The following KCNN3 variants were observed in gnomAD, a reference collection of about 807,000 sequenced individuals.
KCNN3 encodes small conductance calcium-activated potassium channel protein 3.
A neutral mutation model predicts 62.9 loss-of-function variants in KCNN3; 16 were observed. The observed-to-expected ratio is 0.25, with a 90% confidence interval of 0.17 to 0.39. The LOEUF is 0.39. Among genes scored for constraint, KCNN3 ranks in the 10% least tolerant of loss-of-function variants. KCNN3 has a pLI of 1.00. For missense variants in KCNN3, 599 were observed against 949.4 expected (o/e 0.63, Z 4.85); for synonymous variants, 370 against 389.2 (o/e 0.95, Z 0.58).
intron 2 of KCNN3, among the ~76,000 whole-genome samples, chr1:154,814,443 C>T (rs915448516): frequency 4.6e-5 from 7 of 151,220 alleles, no homozygotes; most frequent in South Asian, 2.1e-4. Context: ...ACATAAGACA[C>T]GCAGGGACAA....
At chr1:154,710,676 G>A (rs2101757751) in intron 7 of KCNN3, among the ~76,000 whole-genome samples, 1 of 152,248 alleles carries the variant, frequency 6.6e-6, no homozygotes, top group South Asian at 2.1e-4. Flanking sequence ...CCCAAAAGTG[G>A]GCGAAGGATA....
At chr1:154,847,899 C>A (rs1652141473) in intron 1 of KCNN3, among the ~76,000 whole-genome samples, 1 of 152,242 alleles carries the variant, frequency 6.6e-6, no homozygotes, top group East Asian at 1.9e-4. Flanking sequence ...TCAGGGAGAC[C>A]AGGCAACTTG....
At chr1:154,709,316 C>A (rs566288017) in intron 7 of KCNN3, among the ~76,000 whole-genome samples, 1 of 152,266 alleles carries the variant, frequency 6.6e-6, no homozygotes, top group African/African-American at 2.4e-5. Context: ...AGTGAGGCTC[C>A]TGGGGCGGCA....
Position 154,869,137 on chromosome 1 carries a change from C to T in KCNN3, c.828G>A (p.Leu276=). 1 of 1,614,008 alleles carries T rather than the reference C, an allele frequency of 6.2e-7. No individual in the cohort carries two copies. Among genetic ancestry groups the T allele is most frequent in the Non-Finnish European group, 8.5e-7 (1 of 1,179,962 alleles). ...IGYKLGHRRA[L]FEKRKRLSDY... is the part of the protein sequence containing the mutation. ...CACTCAGTCGCTTTCTCTTTTCAAA[C>T]AGGGCCCTCCTGTGTCCCAGCTTAT... is the stretch of plus-strand genomic sequence containing the variant. Residue 276 remains leucine, a synonymous_variant, in exon 1 of 8, where the codon CTG becomes CTA. Coordinates refer to ENST00000271915, the MANE Select transcript of KCNN3 (RefSeq NM_002249.6). This position sits in a 1 kb window ranked among gnomAD's most constrained non-coding sequence, Gnocchi z 6.1.
In KCNN3 at chr1:154,772,377, T is replaced by C. The variant is rs767055276; in HGVS notation, c.1046A>G (p.Asn349Ser). The C allele has an allele frequency of 6.2e-7, 1 of 1,614,114 alleles. No homozygotes were observed. Among genetic ancestry groups the C allele is most frequent in the Admixed American group, 1.7e-5 (1 of 60,020 alleles). The change falls in exon 3 of 8, where the codon AAT becomes AGT. Residue 349 changes from asparagine to serine, a missense_variant. By Grantham distance (46) the Asn-to-Ser change is conservative (BLOSUM62 1). Coordinates refer to ENST00000271915, the MANE Select transcript of KCNN3 (RefSeq NM_002249.6). This position sits in a 1 kb window ranked among gnomAD's most constrained non-coding sequence, Gnocchi z 5.6. ...TREVQLFVID[N>S]GADDWRIAMT... Reference sequence around the variant, plus strand: ...GGCTATCCGCCAGTCATCCGCGCCATTGTCGATCACGAAGAGCTGGTGGGA... The same window carrying C: ...GGCTATCCGCCAGTCATCCGCGCCACTGTCGATCACGAAGAGCTGGTGGGA...
chr1:154,847,143 C>T (rs1200371302), intron 1 of KCNN3, among the ~76,000 whole-genome samples: 1 of 152,028 alleles, frequency 6.6e-6, no homozygotes, highest in Non-Finnish European at 1.5e-5. Context: ...TACCAGGGCC[C>T]CTGTGTGCCA....
intron 1 of KCNN3, among the ~76,000 whole-genome samples, chr1:154,826,733 T>C (rs1192040553): frequency 6.6e-6 from 1 of 152,240 alleles, no homozygotes; most frequent in African/African-American, 2.4e-5. Flanking sequence ...TGGCCTGCCT[T>C]GTAGCTTCCA....
intron 1 of KCNN3, among the ~76,000 whole-genome samples, chr1:154,860,908 T>C (rs1279666920): frequency 2.0e-5 from 3 of 151,802 alleles, no homozygotes; most frequent in Non-Finnish European, 4.4e-5. Context: ...AGGCTTTGGG[T>C]TCAGTAAGTT....
chr1:154,816,708 G>C (rs987682136), intron 2 of KCNN3, among the ~76,000 whole-genome samples: 1 of 152,192 alleles, frequency 6.6e-6, no homozygotes, highest in Non-Finnish European at 1.5e-5. Flanking sequence ...CCTGGCCCAT[G>C]ATGACGTGCT....
intron 3 of KCNN3, among the ~76,000 whole-genome samples, chr1:154,754,434 T>G (rs1647533157): frequency 6.6e-6 from 1 of 152,172 alleles, no homozygotes. Flanking sequence ...ACGTCTCCTC[T>G]TCTTCATTAG....
intron 1 of KCNN3, among the ~76,000 whole-genome samples, chr1:154,831,076 T>C (rs938997153): frequency 1.3e-5 from 2 of 152,228 alleles, no homozygotes; most frequent in African/African-American, 4.8e-5. Context: ...TCAAACTTTT[T>C]ATTACATGTT....
intron 2 of KCNN3, among the ~76,000 whole-genome samples, chr1:154,806,483 A>G (rs890167036): frequency 2.6e-5 from 4 of 152,256 alleles, no homozygotes; most frequent in African/African-American, 7.2e-5. Context: ...AAACAGACTC[A>G]GGGAAATTCA....
intron 1 of KCNN3, among the ~76,000 whole-genome samples, chr1:154,865,669 C>T (rs1444639956): frequency 6.6e-6 from 1 of 152,164 alleles, no homozygotes; most frequent in Non-Finnish European, 1.5e-5. Flanking sequence ...AGGGCACATG[C>T]CACCCTCCTT....
At chr1:154,800,436 C>T (rs1340497621) in intron 2 of KCNN3, among the ~76,000 whole-genome samples, 5 of 152,174 alleles carry the variant, frequency 3.3e-5, no homozygotes, top group African/African-American at 9.7e-5. Context: ...GATAAGGAGT[C>T]CAGAATTGGC....
chr1:154,807,559 A>G (rs1650227268), intron 2 of KCNN3, among the ~76,000 whole-genome samples: 1 of 152,236 alleles, frequency 6.6e-6, no homozygotes. Context: ...TGAATTCTGC[A>G]GGCAAAGGAA....
At chr1:154,732,484 C>T (rs750885924) in intron 4 of KCNN3, among the ~76,000 whole-genome samples, 58 of 152,352 alleles carry the variant, frequency 3.8e-4, no homozygotes, top group Middle Eastern at 3.4e-3. Flanking sequence ...AAGGCAAGAG[C>T]CAGCCCAGGG....
chr1:154,732,901 C>A lies in KCNN3; in HGVS notation c.1590+102G>T, dbSNP rs537571408. The A allele has an allele frequency of 3.6e-5, 47 of 1,321,866 alleles. No individual in the cohort carries two copies. In the African/African-American group the frequency reaches 4.3e-4, roughly 12 times the overall value. 81.9% of individuals were successfully genotyped at this position (1,321,866 alleles called of 1,614,324 possible). On this transcript the variant is annotated intron_variant, in intron 4 of 7. Coordinates refer to ENST00000271915, the MANE Select transcript of KCNN3 (RefSeq NM_002249.6). Reference sequence around the variant, plus strand: ...ATGCAGGTCGGTTAACTAACAGCCACCCCCCGCTCTGCGGCTAGGAAGGCC... The same window carrying A: ...ATGCAGGTCGGTTAACTAACAGCCAACCCCCGCTCTGCGGCTAGGAAGGCC...
At chr1:154,850,070 T>C (rs769280332) in intron 1 of KCNN3, among the ~76,000 whole-genome samples, 26 of 152,138 alleles carry the variant, frequency 1.7e-4, no homozygotes, top group Non-Finnish European at 3.5e-4. Context: ...CCCCTACTCA[T>C]GCCACTCGCC....
At chr1:154,813,883 A>G (rs1054720708) in intron 2 of KCNN3, among the ~76,000 whole-genome samples, 1 of 152,214 alleles carries the variant, frequency 6.6e-6, no homozygotes, top group Non-Finnish European at 1.5e-5. Flanking sequence ...CACCTGAGGG[A>G]CAGGGAGCAG....
Sources: allele counts gnomAD v4.1 joint callset (sites outside exome capture counted in the v4.1 genomes callset), GRCh38; gene constraint gnomAD v4.1.1; non-coding constraint Gnocchi (gnomAD v3.1); transcripts MANE v1.5; gene names NCBI Gene and HGNC (gene_info 2026-07-23, HGNC 2026-07-21).